Variants in CLIC5 observed in about 807,000 individuals in gnomAD.
The protein encoded by CLIC5 is CLIC family member 5.
CLIC5 carries 20 observed loss-of-function variants against 24.7 expected under a neutral mutation model. The observed-to-expected ratio is 0.81, with a 90% CI of 0.57 to 1.18. The LOEUF (loss-of-function observed/expected upper bound fraction) is 1.18. Ranked by LOEUF, CLIC5 falls within the 50% of genes most tolerant of loss-of-function variation. The pLI, the probability that CLIC5 is intolerant of heterozygous loss-of-function variation, is 0.00. For missense variants in CLIC5, 341 were observed against 326.1 expected, an observed-to-expected ratio of 1.05 and a Z score of -0.35; for synonymous variants, 159 against 135.6, an observed-to-expected ratio of 1.17 and a Z score of -1.20.
intron 1 of CLIC5, among the ~76,000 whole-genome samples, chr6:46,009,232 C>A (rs944188812): frequency 6.6e-6 from 1 of 151,688 alleles, no homozygotes; most frequent in African/African-American, 2.4e-5. Flanking sequence ...TAGAAGTTAA[C>A]AACTCCATTT....
At position 45,962,110 on chromosome 6, in the gene CLIC5, T is replaced by C. The variant is rs116205634; in HGVS notation, c.64-6866A>G. Among the ~76,000 whole-genome samples, 442 of 150,748 alleles carry C rather than the reference T, an allele frequency of 2.9e-3. 1 individual carries two copies. The highest frequency in any genetic ancestry group is 0.01 in the African/African-American group (423 of 41,096). On this transcript the variant is annotated intron_variant, in intron 1 of 5. Transcript: ENST00000339561. ...CACACACACATCCTGTTATATCTAC[T>C]ATATATGGAGAAACGTATACACATC...
chr6:45,893,484 A>T (rs899856144), downstream of CLIC5, among the ~76,000 whole-genome samples: 3 of 152,142 alleles, frequency 2.0e-5, no homozygotes, highest in African/African-American at 7.2e-5. Flanking sequence ...TTTTCTAGAA[A>T]TATAGACTCT....
intron 1 of CLIC5, among the ~76,000 whole-genome samples, chr6:46,007,680 T>C (rs1418115010): frequency 2.0e-5 from 3 of 152,264 alleles, no homozygotes; most frequent in East Asian, 1.9e-4. Flanking sequence ...TAAACCCACA[T>C]AGCGTATATC....
intron 1 of CLIC5, among the ~76,000 whole-genome samples, chr6:45,956,029 G>A: frequency 6.6e-6 from 1 of 152,152 alleles, no homozygotes; most frequent in East Asian, 1.9e-4. Flanking sequence ...GGATAAGACA[G>A]GAACATATGT....
At chr6:45,885,503 T>TA (rs1330646265) in intron 6 of CLIC5, among the ~76,000 whole-genome samples, 38 of 152,356 alleles carry the variant, frequency 2.5e-4, no homozygotes, top group African/African-American at 8.7e-4. Flanking sequence ...AAAATATTTT[T>TA]AAAAAATAGG....
chr6:46,123,216 T>G, the CLIC5 span: 2 of 152,088 alleles, frequency 1.3e-5, no homozygotes, highest in East Asian at 3.9e-4. Flanking sequence ...CAGCAGCACA[T>G]CAAAAAGCTT....
intron 1 of CLIC5, among the ~76,000 whole-genome samples, chr6:45,988,871 G>C (rs1367918245): frequency 6.6e-6 from 1 of 152,136 alleles, no homozygotes; most frequent in African/African-American, 2.4e-5. Context: ...CCTCTGGCAG[G>C]CTCAGTGCAG....
intron 4 of CLIC5, among the ~76,000 whole-genome samples, chr6:45,931,789 G>A (rs1277689544): frequency 6.6e-6 from 1 of 152,160 alleles, no homozygotes; most frequent in Non-Finnish European, 1.5e-5. Context: ...CTCCCAACTA[G>A]CTGGAATTAC....
chr6:46,081,337 A>G (rs1468551680), upstream of CLIC5, among the ~76,000 whole-genome samples: 1 of 152,192 alleles, frequency 6.6e-6, no homozygotes, highest in Non-Finnish European at 1.5e-5. Flanking sequence ...TAGGTTGTAA[A>G]GGGACTTTAA....
chr6:45,995,583 T>C (rs1438659957), intron 1 of CLIC5, among the ~76,000 whole-genome samples: 1 of 152,208 alleles, frequency 6.6e-6, no homozygotes, highest in Non-Finnish European at 1.5e-5. Context: ...TCCCAAATAA[T>C]GTACTGAAGT....
At chr6:45,981,939 A>G (rs1765581737) in intron 1 of CLIC5, among the ~76,000 whole-genome samples, 1 of 151,738 alleles carries the variant, frequency 6.6e-6, no homozygotes, top group East Asian at 1.9e-4. Flanking sequence ...CAGAGGTTGC[A>G]GTGAGCTGAG....
At chr6:46,085,378 C>T in the CLIC5 span, among the ~76,000 whole-genome samples, 1 of 152,186 alleles carries the variant, frequency 6.6e-6, no homozygotes, top group Non-Finnish European at 1.5e-5. Context: ...AGTTTTTCTG[C>T]TCCGTTTTTT....
chr6:46,073,350 CAGAT>C, intron 1 of CLIC5, among the ~76,000 whole-genome samples: 2 of 152,216 alleles, frequency 1.3e-5, no homozygotes, highest in Admixed American at 1.3e-4. Context: ...GCTGGATACA[CAGAT>C]AGATAATATA....
At chr6:46,126,527 T>A in the CLIC5 span, among the ~76,000 whole-genome samples, 1 of 152,156 alleles carries the variant, frequency 6.6e-6, no homozygotes, top group African/African-American at 2.4e-5. Context: ...TATTTTACAA[T>A]CTTAACTTGA....
chr6:46,071,268 C>G (rs1412402252), intron 1 of CLIC5, among the ~76,000 whole-genome samples: 1 of 152,052 alleles, frequency 6.6e-6, no homozygotes, highest in South Asian at 2.1e-4. Flanking sequence ...GCAAAAGAAA[C>G]TATCAACAGA....
At chr6:46,089,080 T>C in the CLIC5 span, among the ~76,000 whole-genome samples, 1 of 152,350 alleles carries the variant, frequency 6.6e-6, no homozygotes, top group Non-Finnish European at 1.5e-5. Flanking sequence ...ATTTAAATTC[T>C]ATTTTGGTGT....
the CLIC5 span, among the ~76,000 whole-genome samples, chr6:46,086,772 G>T: frequency 3.3e-5 from 5 of 152,134 alleles, no homozygotes; most frequent in Non-Finnish European, 4.4e-5. Context: ...CTGGCACATC[G>T]TAGCATGATA....
chr6:46,116,891 A>G, the CLIC5 span, among the ~76,000 whole-genome samples: 1 of 152,178 alleles, frequency 6.6e-6, no homozygotes, highest in Admixed American at 6.5e-5. Context: ...CTTCCCATAG[A>G]ACCCTAGGTG....
At chr6:46,071,969 C>T (rs1416991270) in intron 1 of CLIC5, among the ~76,000 whole-genome samples, 4 of 152,032 alleles carry the variant, frequency 2.6e-5, no homozygotes, top group Admixed American at 6.6e-5. Flanking sequence ...TTATCCTTAG[C>T]AAACTAATGC....
Sources: gnomAD v4.1 joint callset for allele counts (sites outside exome capture counted in the v4.1 genomes callset) on GRCh38, gnomAD v4.1.1 for gene constraint, MANE v1.5 for transcripts, NCBI Gene and HGNC (gene_info 2026-07-23, HGNC 2026-07-21) for gene names.